The following ASCC3 variants were observed in gnomAD, a reference collection of about 807,000 sequenced individuals.
ASCC3 encodes the protein ASC-1 complex subunit P200.
Under a neutral mutation model 256.3 loss-of-function variants are expected in ASCC3, and 158 were observed. The observed-to-expected ratio is 0.62, with a 90% CI of 0.54 to 0.70. ASCC3 has a LOEUF of 0.70. Among genes scored for constraint, ASCC3 ranks in the 30% least tolerant of loss-of-function variants. The pLI, the probability that ASCC3 is intolerant of heterozygous loss-of-function variation, is 0.00. For missense variants in ASCC3, 2,259 were observed against 2,626.0 expected (o/e 0.86, Z 3.05); for synonymous variants, 948 against 883.4 (o/e 1.07, Z -1.30).
intron 30 of ASCC3, among the ~76,000 whole-genome samples, chr6:100,614,193 T>C (rs1048607037): frequency 6.6e-6 from 1 of 152,148 alleles, no homozygotes; most frequent in Non-Finnish European, 1.5e-5. Flanking sequence ...AGCATTTCCA[T>C]ATATTGAAAA....
chr6:100,628,672 C>G (rs1171651965), intron 27 of ASCC3, among the ~76,000 whole-genome samples: 2 of 152,030 alleles, frequency 1.3e-5, no homozygotes, highest in Non-Finnish European at 2.9e-5. Context: ...TGAGGCCTCC[C>G]CAGAAGCAGG....
intron 36 of ASCC3, among the ~76,000 whole-genome samples, chr6:100,564,443 A>G (rs556632262): frequency 2.0e-5 from 3 of 152,204 alleles, no homozygotes; most frequent in Admixed American, 2.0e-4. Flanking sequence ...CATGACTGCA[A>G]ACATGTAATA....
intron 10 of ASCC3, among the ~76,000 whole-genome samples, chr6:100,765,333 G>C (rs1289951128): frequency 6.6e-6 from 1 of 152,118 alleles, no homozygotes; most frequent in Admixed American, 6.5e-5. Flanking sequence ...TGGGAAGTAA[G>C]AGCAGGACAT....
chr6:100,622,089 G>C (rs1319225694), intron 30 of ASCC3, among the ~76,000 whole-genome samples: 1 of 152,122 alleles, frequency 6.6e-6, no homozygotes, highest in Admixed American at 6.6e-5. Flanking sequence ...GTTGAGGATG[G>C]TGGGAGGGAG....
intron 37 of ASCC3, among the ~76,000 whole-genome samples, chr6:100,527,871 C>T (rs1017443547): frequency 3.3e-5 from 5 of 151,426 alleles, no homozygotes; most frequent in Non-Finnish European, 5.9e-5. Context: ...TGGCATCTCG[C>T]TCTGTCACCC....
Position 100,652,881 on chromosome 6 carries a change from TG to T in ASCC3, c.2831del (p.Pro944GlnfsTer3). 1 of 1,613,850 alleles carries T rather than the reference TG, an allele frequency of 6.2e-7. No individual in the cohort carries two copies. The highest frequency in any genetic ancestry group is 1.3e-5 in the African/African-American group (1 of 75,034). ...ACTGTTCTCGATGCTTTCTTAATGT[TG>T]GGTCAATCTATGGCAAAAAATATAT... Reference protein sequence around the residue: ...GISHKAYQIDPTLRKHREQLV... With the variant: ...GISHKAYQIDXTLRKHREQLV... On this transcript the variant is annotated frameshift_variant, in exon 18 of 42. Coordinates refer to ENST00000369162, the MANE Select transcript of ASCC3 (RefSeq NM_006828.4). LOFTEE classifies it high-confidence loss of function.
intron 14 of ASCC3, among the ~76,000 whole-genome samples, chr6:100,673,696 T>C (rs911708850): frequency 3.3e-5 from 5 of 152,194 alleles, no homozygotes; most frequent in Non-Finnish European, 7.4e-5. Context: ...TGTCCCTTGA[T>C]TGGAAGAAAG....
chr6:100,797,649 T>C (rs1391161072), intron 8 of ASCC3, among the ~76,000 whole-genome samples: 3 of 152,010 alleles, frequency 2.0e-5, no homozygotes, highest in Admixed American at 2.0e-4. Flanking sequence ...CCATAGAGCT[T>C]CAAAAAATCA....
intron 36 of ASCC3, among the ~76,000 whole-genome samples, chr6:100,572,091 C>T (rs1283298780): frequency 6.6e-6 from 1 of 152,006 alleles, no homozygotes; most frequent in African/African-American, 2.4e-5. Context: ...ATAGACGATG[C>T]TATAGATTGA....
chr6:100,836,865 T>G (rs962975693), intron 4 of ASCC3, among the ~76,000 whole-genome samples: 1 of 152,130 alleles, frequency 6.6e-6, no homozygotes, highest in African/African-American at 2.4e-5. Flanking sequence ...TATCAGATCC[T>G]GGAATTTTCT....
intron 10 of ASCC3, among the ~76,000 whole-genome samples, chr6:100,747,485 T>C (rs760842268): frequency 6.6e-6 from 1 of 152,126 alleles, no homozygotes; most frequent in South Asian, 2.1e-4. Flanking sequence ...GCAAGCCATA[T>C]GTCTGTGAAA....
intron 14 of ASCC3, among the ~76,000 whole-genome samples, chr6:100,672,543 G>C (rs1394257324): frequency 1.3e-5 from 2 of 152,036 alleles, no homozygotes; most frequent in East Asian, 3.9e-4. Flanking sequence ...GGAGACAGAA[G>C]GGTTGAAAGT....
chr6:100,632,079 T>C (rs1339445718), intron 25 of ASCC3, among the ~76,000 whole-genome samples: 2 of 148,920 alleles, frequency 1.3e-5, no homozygotes, highest in South Asian at 2.1e-4. Context: ...CTCTAAATAC[T>C]ACATAAAAAA....
intron 8 of ASCC3, among the ~76,000 whole-genome samples, chr6:100,797,242 G>A (rs1769664922): frequency 6.6e-6 from 1 of 151,924 alleles, no homozygotes; most frequent in Non-Finnish European, 1.5e-5. Flanking sequence ...TTGATGTCAG[G>A]AGTTCAAGAC....
intron 18 of ASCC3, 126 bp downstream of exon 18, chr6:100,652,599 T>C: frequency 9.6e-7 from 1 of 1,046,320 alleles, no homozygotes; most frequent in Non-Finnish European, 1.4e-6. Flanking sequence ...GGTATACTGT[T>C]GAATTCATAT....
At chr6:100,821,012 A>G (rs1165475003) in intron 4 of ASCC3, among the ~76,000 whole-genome samples, 1 of 152,112 alleles carries the variant, frequency 6.6e-6, no homozygotes, top group Non-Finnish European at 1.5e-5. Flanking sequence ...TTTCCTCAAT[A>G]AGTTGTATTG....
chr6:100,717,198 T>G (rs559844858), intron 12 of ASCC3, among the ~76,000 whole-genome samples: 1 of 152,110 alleles, frequency 6.6e-6, no homozygotes, highest in Non-Finnish European at 1.5e-5. Flanking sequence ...ATGGTAACAG[T>G]CACTTTGGAT....
intron 16 of ASCC3, among the ~76,000 whole-genome samples, chr6:100,660,928 T>C (rs1451608681): frequency 6.6e-6 from 1 of 151,578 alleles, no homozygotes; most frequent in Non-Finnish European, 1.5e-5. Flanking sequence ...GAAAATGAAA[T>C]AGTAAGTGTG....
At chr6:100,725,972 T>A (rs1182301805) in intron 10 of ASCC3, among the ~76,000 whole-genome samples, 6 of 148,814 alleles carry the variant, frequency 4.0e-5, no homozygotes, top group African/African-American at 1.5e-4. Flanking sequence ...CATGTTTTTT[T>A]AAAAAGTATC....
Sources: gnomAD v4.1 joint callset for allele counts (sites outside exome capture counted in the v4.1 genomes callset) on GRCh38, gnomAD v4.1.1 for gene constraint, MANE v1.5 for transcripts, NCBI Gene and HGNC (gene_info 2026-07-23, HGNC 2026-07-21) for gene names.